MYO18B: variants seen among roughly 807,000 people sequenced by gnomAD.
MYO18B encodes the protein unconventional myosin-XVIIIb.
Under a neutral mutation model 273.0 loss-of-function variants are expected in MYO18B, and 204 were observed. The observed-to-expected ratio is 0.75, with a 90% CI of 0.67 to 0.84. MYO18B has a LOEUF of 0.84. MYO18B is among the 40% of genes least tolerant of loss of function. The pLI, the probability that MYO18B is intolerant of heterozygous loss-of-function variation, is 0.00. For synonymous variants in MYO18B, 1,330 were observed against 1,305.7 expected (o/e 1.02, Z -0.40); for missense variants, 3,212 against 3,287.6 (o/e 0.98, Z 0.56).
chr22:25,875,703 A>G (rs563670898), intron 23 of MYO18B, among the ~76,000 whole-genome samples: 1 of 152,330 alleles, frequency 6.6e-6, no homozygotes, highest in African/African-American at 2.4e-5. Flanking sequence ...TCTGATGCAC[A>G]TTCAAGTTTG....
chr22:25,877,721 G>A (rs1224512126), intron 24 of MYO18B, among the ~76,000 whole-genome samples: 1 of 152,158 alleles, frequency 6.6e-6, no homozygotes, highest in Non-Finnish European at 1.5e-5. Flanking sequence ...GCCCGCCTCA[G>A]CCTCCCAAAG....
Position 25,768,702 on chromosome 22 carries a change from C to A in MYO18B, c.786C>A (p.Asp262Glu). 1 of 1,572,918 alleles carries A rather than the reference C, an allele frequency of 6.4e-7. No homozygotes were observed. The highest frequency in any genetic ancestry group is 8.6e-7 in the Non-Finnish European group (1 of 1,161,534). ...AAGAGGCTGAGCCCCAGGGCAAAGA[C>A]AGGCAGGGGACCAGGCCCCAAGCCC... is the stretch of plus-strand genomic sequence containing the variant. ...ELKEAEPQGK[D>E]RQGTRPQAQG... The change falls in exon 4 of 44, where the codon GAC (aspartate) becomes GAA (glutamate). Residue 262 changes from aspartate (D) to glutamate (E), a missense_variant. Transcript: ENST00000335473.
chr22:26,008,233 T>G lies in MYO18B; in HGVS notation c.6470+3378T>G, dbSNP rs138351852. On this transcript the variant is annotated intron_variant, in intron 42 of 43. Transcript: ENST00000335473. Reference sequence around the variant, plus strand: ...TAGGTGCTTTCCAGATATTTGATATTAACTTGTCAAGCTTTGAAAAACACA... The same window carrying G: ...TAGGTGCTTTCCAGATATTTGATATGAACTTGTCAAGCTTTGAAAAACACA... Among the ~76,000 whole-genome samples, 699 of 152,296 alleles carry G rather than the reference T, an allele frequency of 4.6e-3. 14 individuals carry two copies. The highest frequency in any genetic ancestry group is 0.02 in the East Asian group (103 of 5,182).
At chr22:25,831,857 G>A (rs2089719707) in intron 15 of MYO18B, among the ~76,000 whole-genome samples, 1 of 152,210 alleles carries the variant, frequency 6.6e-6, no homozygotes, top group South Asian at 2.1e-4. Flanking sequence ...TGCATGATGA[G>A]CAGAATGTCA....
At chr22:25,962,808 G>A (rs1462107288) in intron 39 of MYO18B, among the ~76,000 whole-genome samples, 2 of 152,168 alleles carry the variant, frequency 1.3e-5, no homozygotes. Context: ...GGGGAGCAGT[G>A]ATCCAGTCAT....
At chr22:25,769,591 G>A (rs1453859297) in intron 4 of MYO18B, among the ~76,000 whole-genome samples, 163 bp downstream of exon 4, 1 of 152,146 alleles carries the variant, frequency 6.6e-6, no homozygotes, top group Non-Finnish European at 1.5e-5. Context: ...AGGAGGGGAC[G>A]AGCACTTCCT....
chr22:26,037,580 G>A, the MYO18B span, among the ~76,000 whole-genome samples: 50 of 152,242 alleles, frequency 3.3e-4, no homozygotes, highest in African/African-American at 1.0e-3. Flanking sequence ...ACAGGCAGGC[G>A]GTGCTCCAAT....
chr22:25,987,175 G>C (rs2093211059), intron 39 of MYO18B, among the ~76,000 whole-genome samples: 1 of 152,228 alleles, frequency 6.6e-6, no homozygotes, highest in Non-Finnish European at 1.5e-5. Flanking sequence ...CATTTGCAGA[G>C]AGGAGAGGGT....
At position 25,948,453 on chromosome 22, in the gene MYO18B, TC is replaced by T. The variant is rs753708478; in HGVS notation, c.5748+627del. Reference sequence around the variant, plus strand: ...TTCCTTCCTTCCTTCCTTCCTTCCTTCCTTCCTTCTTTCTTTCTTTCTTTCT... The same window carrying T: ...TTCCTTCCTTCCTTCCTTCCTTCCTTCTTCCTTCTTTCTTTCTTTCTTTCT... On this transcript the variant is annotated intron_variant, in intron 36 of 43. Coordinates refer to ENST00000335473, the MANE Select transcript of MYO18B (RefSeq NM_032608.7). Among the ~76,000 whole-genome samples, 644 of 130,430 alleles carry T rather than the reference TC, an allele frequency of 4.9e-3. 2 individuals are homozygous for T. The highest frequency in any genetic ancestry group is 7.4e-3 in the Middle Eastern group (2 of 272). 85.6% of individuals were successfully genotyped at this position (130,430 alleles called of 152,430 possible). A position where few individuals can be genotyped will look rare whatever the true frequency, so the allele number is the denominator to read the frequency against.
At chr22:25,969,577 C>G (rs1228075279) in intron 39 of MYO18B, among the ~76,000 whole-genome samples, 1 of 152,092 alleles carries the variant, frequency 6.6e-6, no homozygotes, top group Non-Finnish European at 1.5e-5. Context: ...CTACAAAGTC[C>G]AAGATATATA....
At chr22:25,805,246 C>A (rs1168890162) in intron 12 of MYO18B, among the ~76,000 whole-genome samples, 1 of 152,192 alleles carries the variant, frequency 6.6e-6, no homozygotes, top group Non-Finnish European at 1.5e-5. Flanking sequence ...GAAACTGAAG[C>A]TCCTCCAGGA....
chr22:25,768,930 A>C lies in MYO18B; in HGVS notation c.1014A>C (p.Glu338Asp), dbSNP rs1335574531. 1.9e-6 allele frequency: 3 copies of C among 1,612,408 alleles called. No homozygotes were observed. The highest frequency in any genetic ancestry group is 2.5e-6 in the Non-Finnish European group (3 of 1,179,312). Residue 338 changes from glutamate (E) to aspartate (D), a missense_variant, in exon 4 of 44, where the codon GAA (glutamate) becomes GAC (aspartate). Transcript: ENST00000335473. ...GTCCCCAGAATAAGAAGGACAAAGA[A>C]GGGGTGCTCTTAAGTAAGGCAGAGA... ...WDGPQNKKDK[E>D]GVLLSKAEKT...
In MYO18B at chr22:25,847,537, G is replaced by T. The variant is rs375814059; in HGVS notation, c.3660G>T (p.Pro1220=). The T allele has an allele frequency of 6.4e-7, 1 of 1,573,308 alleles. No homozygotes were observed. The highest frequency in any genetic ancestry group is 2.4e-5 in the East Asian group (1 of 42,458). Residue 1220 remains proline (P), a synonymous_variant, in exon 20 of 44, where the codon CCG becomes CCT. Transcript: ENST00000335473. ...GTGGGCAGGAATCTCCACCACCACC[G>T]CAGCCTGGTAGAGACAAGCCTGGGG... ...SRSGQESPPP[P]QPGRDKPGAG...
chr22:25,782,641 CAT>C (rs2087210712), intron 10 of MYO18B, among the ~76,000 whole-genome samples: 1 of 152,204 alleles, frequency 6.6e-6, no homozygotes, highest in Non-Finnish European at 1.5e-5. Context: ...GGTTTTCCCA[CAT>C]GAGGGGTGAT....
At chr22:26,059,588 A>G in the MYO18B span, among the ~76,000 whole-genome samples, 1 of 152,226 alleles carries the variant, frequency 6.6e-6, no homozygotes, top group Non-Finnish European at 1.5e-5. Context: ...TTTGGGAAAG[A>G]GGACGGTGTC....
intron 30 of MYO18B, chr22:25,903,053 T>A: frequency 3.5e-6 from 1 of 284,552 alleles, no homozygotes; most frequent in Non-Finnish European, 6.7e-6. Flanking sequence ...AATGTCCTGG[T>A]CCAAGCAGGC....
chr22:25,771,854 A>C (rs1257327179), intron 6 of MYO18B, among the ~76,000 whole-genome samples: 1 of 152,210 alleles, frequency 6.6e-6, no homozygotes, highest in Non-Finnish European at 1.5e-5. Flanking sequence ...GTTTCCTAGG[A>C]ATCAATGCAT....
At chr22:25,829,059 C>T (rs2089605315) in intron 15 of MYO18B, 91 bp downstream of exon 15, 1 of 1,380,660 alleles carries the variant, frequency 7.2e-7, no homozygotes, top group Non-Finnish European at 9.9e-7. Flanking sequence ...TCCCCAGGAG[C>T]CTGCAGCTTC....
intron 28 of MYO18B, among the ~76,000 whole-genome samples, chr22:25,896,042 G>A (rs1226164014): frequency 6.6e-6 from 1 of 151,964 alleles, no homozygotes; most frequent in Non-Finnish European, 1.5e-5. Context: ...TTTGATGGGA[G>A]CCCTTTGATA....
Sources: gnomAD v4.1 joint callset for allele counts (sites outside exome capture counted in the v4.1 genomes callset) on GRCh38, gnomAD v4.1.1 for gene constraint, MANE v1.5 for transcripts, NCBI Gene and HGNC (gene_info 2026-07-23, HGNC 2026-07-21) for gene names.